GKN2: variants seen among roughly 807,000 people sequenced by gnomAD.
GKN2 encodes gastrokine 2, also known as gastrokine-2.
GKN2 carries 17 observed loss-of-function variants against 22.7 expected under a neutral mutation model. The ratio of observed to expected loss-of-function variants is 0.75; its 90% CI spans 0.51 to 1.13. The LOEUF (loss-of-function observed/expected upper bound fraction) is 1.13. GKN2 is among the 50% of genes most tolerant of loss of function. The pLI is 0.00. For missense variants in GKN2, 248 were observed against 221.4 expected (o/e 1.12, Z -0.76); for synonymous variants, 82 against 79.6 (o/e 1.03, Z -0.16).
chr2:68,946,348 CAG>C lies in GKN2; in HGVS notation c.426_427del (p.Cys143GlnfsTer7), dbSNP rs766790379. 4.3e-6 allele frequency: 7 copies of C among 1,613,772 alleles called. No individual in the cohort carries two copies. In the African/African-American group the frequency reaches 8.0e-5, roughly 18 times the overall value. ...CCCCTTATACAAAGGGATATGTTTG[CAG>C]AGTTTCTCAATGGGTGACCCAAGCA... On this transcript the variant is annotated frameshift_variant, in exon 5 of 6. Coordinates refer to ENST00000328895, the MANE Select transcript of GKN2 (RefSeq NM_182536.3). LOFTEE classifies it low-confidence loss of function (END_TRUNC).
At chr2:68,949,033 A>G (rs1427170668) in intron 3 of GKN2, among the ~76,000 whole-genome samples, 3 of 152,248 alleles carry the variant, frequency 2.0e-5, no homozygotes, top group South Asian at 2.1e-4. Context: ...GAACGTGAAG[A>G]CATTTCTAGA....
At chr2:68,946,129 C>T in intron 5 of GKN2, 175 bp downstream of exon 5, 2 of 506,128 alleles carry the variant, frequency 4.0e-6, no homozygotes, top group South Asian at 7.8e-5. Flanking sequence ...TAATTCATTT[C>T]TGTATTCCTA....
chr2:68,951,280 G>T (rs1669850807), intron 1 of GKN2, among the ~76,000 whole-genome samples: 1 of 152,186 alleles, frequency 6.6e-6, no homozygotes, highest in Non-Finnish European at 1.5e-5. Context: ...AAAATAGAAT[G>T]CTTGGGAGCA....
Position 68,950,663 on chromosome 2 carries a change from A to G in GKN2, c.66+39T>C, listed in dbSNP as rs762543441. On this transcript the variant is annotated intron_variant, in intron 2 of 5. Transcript: ENST00000328895. Reference sequence around the variant, plus strand: ...CTTGTACCTTCCCTTTCCTCTCCCAACATCTCTAAGAGATAAAGTCCATAA... The same window carrying G: ...CTTGTACCTTCCCTTTCCTCTCCCAGCATCTCTAAGAGATAAAGTCCATAA... The G allele has an allele frequency of 2.8e-5, 45 of 1,581,102 alleles. No individual in the cohort carries two copies. The Admixed American group carries it at 6.7e-4, about 23-fold the overall frequency.
intron 5 of GKN2, chr2:68,945,909 T>A: frequency 3.9e-6 from 1 of 258,442 alleles, no homozygotes. Flanking sequence ...CTATTCTAGA[T>A]CCTGAGAGCA....
At position 68,945,264 on chromosome 2, in the gene GKN2, A is replaced by G. The variant is rs140103544; in HGVS notation, c.*104T>C. 41 of 803,070 alleles carry G rather than the reference A, an allele frequency of 5.1e-5. No individual in the cohort carries two copies. The African/African-American group carries it at 6.8e-4, about 13-fold the overall frequency. 49.7% of individuals were successfully genotyped at this position (803,070 alleles called of 1,614,324 possible). A position where few individuals can be genotyped will look rare whatever the true frequency, so the allele number is the denominator to read the frequency against. On this transcript the variant is annotated 3_prime_UTR_variant, in exon 6 of 6. Coordinates refer to ENST00000328895, the MANE Select transcript of GKN2 (RefSeq NM_182536.3). The stretch of plus-strand genomic sequence containing the variant: ...ATACAGCATTTATATTTTCTGACTG[A>G]ATCTCAAAATTAGTTGGGGCATTGG...
Position 68,946,361 on chromosome 2 carries a change from T to C in GKN2, c.415A>G (p.Ile139Val), listed in dbSNP as rs769260418. ...GGGATATGTTTGCAGAGTTTCTCAA[T>C]GGGTGACCCAAGCAGGAACCAATCC... ...DVDWFLLGSPIEKLCKHIPLY... is the reference protein window; with the variant it reads ...DVDWFLLGSPVEKLCKHIPLY... Residue 139 changes from isoleucine (I) to valine (V), a missense_variant, in exon 5 of 6, where the codon ATT (isoleucine) becomes GTT (valine). By Grantham distance (29) the Ile-to-Val change is conservative. Coordinates refer to ENST00000328895, the MANE Select transcript of GKN2 (RefSeq NM_182536.3). 4.3e-6 allele frequency: 7 copies of C among 1,613,950 alleles called. No homozygotes were observed. The highest frequency in any genetic ancestry group is 5.9e-6 in the Non-Finnish European group (7 of 1,180,006).
At chr2:68,951,152 AT>A (rs764475022) in intron 1 of GKN2, among the ~76,000 whole-genome samples, 2 of 152,156 alleles carry the variant, frequency 1.3e-5, no homozygotes, top group Non-Finnish European at 2.9e-5. Context: ...CTCTAAAAAA[AT>A]AATTAATTAA....
chr2:68,948,027 C>G (rs533689457), intron 3 of GKN2, among the ~76,000 whole-genome samples: 2 of 151,972 alleles, frequency 1.3e-5, no homozygotes, highest in Non-Finnish European at 1.5e-5. Context: ...GGGCAGATCA[C>G]AAGGTCAGGA....
rs1669833913 is a variant in GKN2 at position 68,950,140 on chromosome 2, A to T, written c.190T>A (p.Phe64Ile). ...TTGCTGCTTACATGTTTATAGTCAA[A>T]AATTGTGGTAGAAGAGCATGATCCT... ...HAGSCSSTTI[F>I]DYKHGYIASR... Residue 64 changes from phenylalanine to isoleucine, a missense_variant, in exon 3 of 6, where the codon TTT becomes ATT. Coordinates refer to ENST00000328895, the MANE Select transcript of GKN2 (RefSeq NM_182536.3). 1.2e-6 allele frequency: 2 copies of T among 1,612,278 alleles called. No individual in the cohort carries two copies. Among genetic ancestry groups the T allele is most frequent in the Non-Finnish European group, 1.7e-6 (2 of 1,179,520 alleles).
chr2:68,950,012 A>G, intron 3 of GKN2, 114 bp downstream of exon 3: 1 of 801,808 alleles, frequency 1.2e-6, no homozygotes, highest in Admixed American at 3.4e-5. Flanking sequence ...GAATTCTTAA[A>G]GAATTGCAAG....
At position 68,951,236 on chromosome 2, in the gene GKN2, A is replaced by G. The variant is rs139365808; in HGVS notation, c.13-481T>C. ...ACAGATTTAAAATGAATCATGGGTG[A>G]TAAAGACCTGACAGGTTCCTAAGGG... On this transcript the variant is annotated intron_variant, in intron 1 of 5. Coordinates refer to ENST00000328895, the MANE Select transcript of GKN2 (RefSeq NM_182536.3). 2.4e-3 allele frequency among the ~76,000 whole-genome samples: 373 copies of G among 152,316 alleles called. 3 individuals are homozygous for G. The highest frequency in any genetic ancestry group is 8.1e-3 in the African/African-American group (336 of 41,576).
Position 68,946,464 on chromosome 2 carries a change from G to A in GKN2, c.316-4C>T. 1.1e-5 allele frequency: 18 copies of A among 1,592,108 alleles called. No individual in the cohort carries two copies. The highest frequency in any genetic ancestry group is 1.5e-5 in the Non-Finnish European group (18 of 1,172,508). ...TGGAGAACATGTTGTCCAGAGCCTA[G>A]ATCGGTATAACAGAAAAGAACAACA... On this transcript the variant is annotated splice_polypyrimidine_tract_variant and splice_region_variant and intron_variant, in intron 4 of 5. Transcript: ENST00000328895.
At chr2:68,945,714 G>C in intron 5 of GKN2, 1 of 307,822 alleles carries the variant, frequency 3.2e-6, no homozygotes, top group Non-Finnish European at 6.1e-6. Flanking sequence ...AGTACTCTGA[G>C]AAATTTCCTT....
chr2:68,952,698 T>C (rs1261613682), intron 1 of GKN2, 152 bp downstream of exon 1: 18 of 637,576 alleles, frequency 2.8e-5, no homozygotes, highest in Non-Finnish European at 3.5e-5. Flanking sequence ...TTCAACACTA[T>C]TTCTGCCAAA....
intron 4 of GKN2, 102 bp downstream of exon 4, chr2:68,947,045 G>A: frequency 1.4e-6 from 1 of 723,492 alleles, no homozygotes; most frequent in East Asian, 2.5e-5. Flanking sequence ...TTATGGTAAG[G>A]CATGATAGTA....
At chr2:68,949,497 G>T (rs1032460034) in intron 3 of GKN2, among the ~76,000 whole-genome samples, 2 of 151,992 alleles carry the variant, frequency 1.3e-5, no homozygotes, top group Non-Finnish European at 2.9e-5. Context: ...TCAGCTCACT[G>T]CAGCCTTGAC....
chr2:68,952,729 A>G, intron 1 of GKN2, 121 bp downstream of exon 1: 1 of 818,988 alleles, frequency 1.2e-6, no homozygotes, highest in Non-Finnish European at 1.8e-6. Flanking sequence ...ATTCAATCAC[A>G]GAAGCTTAGA....
intron 3 of GKN2, 48 bp from the exon 4 acceptor site, chr2:68,947,305 C>A: frequency 8.2e-7 from 1 of 1,226,160 alleles, no homozygotes; most frequent in South Asian, 1.2e-5. Context: ...TTCCCTGAAT[C>A]TGAACTTGGT....
Sources: gnomAD v4.1 joint callset for allele counts (sites outside exome capture counted in the v4.1 genomes callset) on GRCh38, gnomAD v4.1.1 for gene constraint, MANE v1.5 for transcripts, NCBI Gene and HGNC (gene_info 2026-07-23, HGNC 2026-07-21) for gene names.